Variants in MAGI2 observed in about 807,000 individuals in gnomAD.
MAGI2 encodes the protein membrane-associated guanylate kinase, WW and PDZ domain-containing protein 2.
MAGI2 carries 35 observed loss-of-function variants against 133.3 expected under a neutral mutation model. That is an observed-to-expected ratio of 0.26 (90% CI 0.20 to 0.35). The LOEUF (loss-of-function observed/expected upper bound fraction) is 0.35. Among genes scored for constraint, MAGI2 ranks in the 10% least tolerant of loss-of-function variants. The pLI is 1.00. For missense variants in MAGI2, 1,636 were observed against 1,863.4 expected (o/e 0.88, Z 2.25); for synonymous variants, 729 against 710.6 (o/e 1.03, Z -0.41).
chr7:78,761,005 A>G (rs955406370), intron 2 of MAGI2, among the ~76,000 whole-genome samples: 10 of 152,192 alleles, frequency 6.6e-5, no homozygotes, highest in Admixed American at 5.9e-4. Context: ...CCCCACCTCT[A>G]ATGTCAAAAC....
chr7:78,988,521 C>A (rs1805471320), intron 2 of MAGI2, among the ~76,000 whole-genome samples: 1 of 152,068 alleles, frequency 6.6e-6, no homozygotes, highest in African/African-American at 2.4e-5. Context: ...AAAACATGCT[C>A]ACTCTCTCTT....
At chr7:78,179,357 T>A (rs1331085515) in intron 13 of MAGI2, among the ~76,000 whole-genome samples, 2 of 152,224 alleles carry the variant, frequency 1.3e-5, no homozygotes, top group East Asian at 3.8e-4. Context: ...GAGAGGCTCA[T>A]TGAATGCTGG....
intron 1 of MAGI2, among the ~76,000 whole-genome samples, chr7:79,409,003 G>C (rs1344809741): frequency 1.3e-5 from 2 of 152,056 alleles, no homozygotes; most frequent in African/African-American, 4.8e-5. Flanking sequence ...CTCATAGATG[G>C]AACTTGATTT....
intron 3 of MAGI2, among the ~76,000 whole-genome samples, chr7:78,607,068 G>A (rs1805893077): frequency 6.6e-6 from 1 of 152,112 alleles, no homozygotes; most frequent in Non-Finnish European, 1.5e-5. Context: ...ACTGTTACAA[G>A]GACCTTTGTT....
intron 1 of MAGI2, among the ~76,000 whole-genome samples, chr7:79,070,013 C>T (rs1814798204): frequency 6.6e-6 from 1 of 152,162 alleles, no homozygotes; most frequent in South Asian, 2.1e-4. Context: ...GGTAACCCAA[C>T]CTTTCTCTCT....
At chr7:78,757,518 A>C (rs1202081250) in intron 2 of MAGI2, among the ~76,000 whole-genome samples, 2 of 152,214 alleles carry the variant, frequency 1.3e-5, no homozygotes, top group Non-Finnish European at 2.9e-5. Flanking sequence ...AACTTAAAAG[A>C]ATTATCTGAA....
chr7:78,669,054 A>G (rs1035475659), intron 2 of MAGI2, among the ~76,000 whole-genome samples: 1 of 152,176 alleles, frequency 6.6e-6, no homozygotes, highest in African/African-American at 2.4e-5. Context: ...AACAGAAGGC[A>G]AGAAATAACT....
chr7:78,143,400 T>A (rs531647497), intron 16 of MAGI2, among the ~76,000 whole-genome samples: 2 of 152,284 alleles, frequency 1.3e-5, no homozygotes, highest in East Asian at 3.9e-4. Context: ...GTTGCCCAAT[T>A]TTATGATGAC....
intron 1 of MAGI2, among the ~76,000 whole-genome samples, chr7:79,028,753 T>A (rs913671854): frequency 2.0e-5 from 3 of 152,188 alleles, no homozygotes; most frequent in Non-Finnish European, 4.4e-5. Flanking sequence ...TGCTCGGTGC[T>A]ACTTTTAAAA....
intron 3 of MAGI2, among the ~76,000 whole-genome samples, chr7:78,621,738 A>C (rs1340270913): frequency 6.6e-6 from 1 of 152,032 alleles, no homozygotes; most frequent in African/African-American, 2.4e-5. Flanking sequence ...TTTTGGAACA[A>C]GGACTTTAAG....
At chr7:78,407,349 T>C (rs1047833949) in intron 6 of MAGI2, among the ~76,000 whole-genome samples, 20 of 151,972 alleles carry the variant, frequency 1.3e-4, no homozygotes, top group African/African-American at 4.8e-4. Context: ...TATGTTTAAC[T>C]TTCCATTAGG....
chr7:78,279,598 T>G (rs1187101443), intron 9 of MAGI2, among the ~76,000 whole-genome samples: 1 of 152,026 alleles, frequency 6.6e-6, no homozygotes, highest in Admixed American at 6.6e-5. Flanking sequence ...AGGTGGGAGC[T>G]GATGAAACCA....
chr7:78,228,423 G>T (rs1428626152), intron 10 of MAGI2, among the ~76,000 whole-genome samples: 2 of 152,164 alleles, frequency 1.3e-5, no homozygotes, highest in Non-Finnish European at 2.9e-5. Context: ...ATCTAGAATG[G>T]TTATGATGGG....
intron 1 of MAGI2, among the ~76,000 whole-genome samples, chr7:79,260,073 G>T (rs1563055394): frequency 6.6e-6 from 1 of 152,208 alleles, no homozygotes; most frequent in Non-Finnish European, 1.5e-5. Context: ...TGCAGTACAA[G>T]GCTGGGCATG....
chr7:78,634,991 C>G lies in MAGI2; in HGVS notation c.419-7752G>C, dbSNP rs552947121. 9.7e-4 allele frequency among the ~76,000 whole-genome samples: 147 copies of G among 152,248 alleles called. 2 individuals are homozygous for G. Among genetic ancestry groups the G allele is most frequent in the Non-Finnish European group, 1.8e-3 (121 of 67,998 alleles). ...AAATAGAACTGAAAGAGCAAAAATGCTAAGTTGAGGCTTTGTTTCATCTTT... is the reference window on the plus strand; with the variant it reads ...AAATAGAACTGAAAGAGCAAAAATGGTAAGTTGAGGCTTTGTTTCATCTTT... On this transcript the variant is annotated intron_variant, in intron 2 of 21. Transcript: ENST00000354212.
chr7:78,593,324 G>A lies in MAGI2; in HGVS notation c.538+33796C>T, dbSNP rs190937391. On this transcript the variant is annotated intron_variant, in intron 3 of 21. Transcript: ENST00000354212. ...GGAGAATGGCGTGAACCCGGGAGGC[G>A]GAGCTTGCAGTGAGCTGAGATCGCA... is the stretch of plus-strand genomic sequence containing the variant. 1.9e-4 allele frequency among the ~76,000 whole-genome samples: 29 copies of A among 152,054 alleles called. 1 individual carries two copies. The East Asian group carries it at 5.3e-3, about 28-fold the overall frequency.
chr7:79,177,757 T>C (rs922410733), intron 1 of MAGI2, among the ~76,000 whole-genome samples: 1 of 152,098 alleles, frequency 6.6e-6, no homozygotes, highest in Non-Finnish European at 1.5e-5. Flanking sequence ...TTATAAGGTG[T>C]CTGATTTTGT....
chr7:78,848,268 G>C (rs1328611972), intron 2 of MAGI2, among the ~76,000 whole-genome samples: 1 of 151,774 alleles, frequency 6.6e-6, no homozygotes, highest in Admixed American at 6.6e-5. Context: ...CCACCTAGTT[G>C]CTCAAGTCCC....
chr7:79,371,806 G>C (rs1843070342), intron 1 of MAGI2, among the ~76,000 whole-genome samples: 2 of 152,000 alleles, frequency 1.3e-5, no homozygotes. Flanking sequence ...TTTCATAATA[G>C]TCACCTAGAT....
Sources: gnomAD v4.1 joint callset for allele counts (sites outside exome capture counted in the v4.1 genomes callset) on GRCh38, gnomAD v4.1.1 for gene constraint, MANE v1.5 for transcripts, NCBI Gene and HGNC (gene_info 2026-07-23, HGNC 2026-07-21) for gene names.